Variants in PHF24 observed in about 807,000 individuals in gnomAD.
PHF24 encodes Galpha inhibitory interacting protein.
A neutral mutation model predicts 42.6 loss-of-function variants in PHF24; 25 were observed. The observed-to-expected ratio is 0.59, with a 90% CI of 0.43 to 0.82. The LOEUF (loss-of-function observed/expected upper bound fraction) is 0.82. Ranked by LOEUF, PHF24 falls within the 40% of genes least tolerant of loss-of-function variation. PHF24 has a pLI of 0.00. For synonymous variants in PHF24, 185 were observed against 204.8 expected, an observed-to-expected ratio of 0.90 and a Z score of 0.83; for missense variants, 470 against 538.1, an observed-to-expected ratio of 0.87 and a Z score of 1.25.
chr9:34,887,989 C>T, the PHF24 span, among the ~76,000 whole-genome samples: 2 of 147,112 alleles, frequency 1.4e-5, no homozygotes, highest in Non-Finnish European at 3.0e-5. Context: ...AAACATTTTA[C>T]TGTGTTTTTT....
chr9:34,893,138 G>A, the PHF24 span: 1 of 706,404 alleles, frequency 1.4e-6, no homozygotes, highest in East Asian at 3.0e-5. Context: ...TCCTTCCTGA[G>A]GAAGCCAGCC....
chr9:34,767,900 C>A, the PHF24 span, among the ~76,000 whole-genome samples: 1 of 152,174 alleles, frequency 6.6e-6, no homozygotes, highest in Non-Finnish European at 1.5e-5. Flanking sequence ...CACTTTCATG[C>A]GGTATCACTA....
At chr9:34,839,128 G>T in the PHF24 span, among the ~76,000 whole-genome samples, 1 of 152,304 alleles carries the variant, frequency 6.6e-6, no homozygotes, top group African/African-American at 2.4e-5. Context: ...GGTGGGGAGA[G>T]ATTGTAAATG....
chr9:34,974,072 C>T (rs1253171531), intron 3 of PHF24, among the ~76,000 whole-genome samples: 4 of 152,102 alleles, frequency 2.6e-5, no homozygotes, highest in Non-Finnish European at 5.9e-5. Context: ...GTGGTGCGAT[C>T]GTAGCACTGC....
At chr9:34,821,972 C>T in the PHF24 span, among the ~76,000 whole-genome samples, 2 of 152,234 alleles carry the variant, frequency 1.3e-5, no homozygotes, top group Non-Finnish European at 2.9e-5. Context: ...AGTGGTTATG[C>T]TTCCTTAATT....
chr9:34,908,842 CT>C, the PHF24 span, among the ~76,000 whole-genome samples: 1,241 of 135,280 alleles, frequency 9.2e-3, 4 homozygotes, highest in Non-Finnish European at 0.014. Flanking sequence ...CTTTTCTTTT[CT>C]TTTTTTTTTT....
At chr9:34,673,886 G>T in the PHF24 span, among the ~76,000 whole-genome samples, 1 of 152,110 alleles carries the variant, frequency 6.6e-6, no homozygotes, top group Non-Finnish European at 1.5e-5. Context: ...CTCCCAGAGT[G>T]CTGGGATTAC....
the PHF24 span, among the ~76,000 whole-genome samples, chr9:34,789,975 T>G: frequency 6.6e-6 from 1 of 152,154 alleles, no homozygotes; most frequent in East Asian, 1.9e-4. Flanking sequence ...GCCTCCTGAA[T>G]AGCTGGGACT....
chr9:34,690,213 A>G, the PHF24 span: 2 of 1,614,122 alleles, frequency 1.2e-6, no homozygotes, highest in Non-Finnish European at 1.7e-6. Flanking sequence ...AACTCACACT[A>G]CAGCAGGCAC....
chr9:34,834,591 C>T, the PHF24 span: 1 of 1,550,750 alleles, frequency 6.4e-7, no homozygotes, highest in Admixed American at 2.0e-5. Context: ...ATGGACTTCC[C>T]TGTCTGGGAA....
At chr9:34,943,007 A>T in the PHF24 span, among the ~76,000 whole-genome samples, 1 of 152,214 alleles carries the variant, frequency 6.6e-6, no homozygotes, top group African/African-American at 2.4e-5. Context: ...AATAATAAAA[A>T]AAGAAAGAAA....
chr9:34,877,068 G>C, the PHF24 span, among the ~76,000 whole-genome samples: 1 of 152,130 alleles, frequency 6.6e-6, no homozygotes, highest in Non-Finnish European at 1.5e-5. Context: ...GATCACCTGA[G>C]GTCAGGCGTT....
At chr9:34,699,496 G>GT in the PHF24 span, among the ~76,000 whole-genome samples, 1 of 152,232 alleles carries the variant, frequency 6.6e-6, no homozygotes, top group Non-Finnish European at 1.5e-5. Context: ...TCTCACCTCT[G>GT]TAAGTGGTCC....
chr9:34,726,133 G>T, the PHF24 span: 3 of 1,406,110 alleles, frequency 2.1e-6, no homozygotes, highest in Non-Finnish European at 2.9e-6. Flanking sequence ...AGAAGGTCTG[G>T]ATGGGCTGGC....
chr9:34,847,734 G>C, the PHF24 span, among the ~76,000 whole-genome samples: 1 of 151,880 alleles, frequency 6.6e-6, no homozygotes, highest in African/African-American at 2.4e-5. Context: ...ATTGGCTGTG[G>C]GTTTGTCATA....
At chr9:34,738,590 C>T in the PHF24 span, among the ~76,000 whole-genome samples, 2 of 152,132 alleles carry the variant, frequency 1.3e-5, no homozygotes, top group Non-Finnish European at 2.9e-5. Flanking sequence ...TCATGATCCG[C>T]CTGCCTCAGC....
chr9:34,917,764 T>A, the PHF24 span: 1 of 960,262 alleles, frequency 1.0e-6, no homozygotes, highest in African/African-American at 1.6e-5. Flanking sequence ...CTAATGCCAA[T>A]CATGCCTCCC....
chr9:34,971,756 G>T, intron 2 of PHF24, 80 bp downstream of exon 2: 1 of 1,464,516 alleles, frequency 6.8e-7, no homozygotes, highest in Non-Finnish European at 9.1e-7. Context: ...TGGGTAAGGT[G>T]ATCCTCAAAA....
At chr9:34,966,260 C>A (rs1306135453) in intron 1 of PHF24, among the ~76,000 whole-genome samples, 1 of 152,220 alleles carries the variant, frequency 6.6e-6, no homozygotes, top group East Asian at 1.9e-4. Flanking sequence ...CAATTCACCA[C>A]TTGAGAATCA....
Sources: allele counts gnomAD v4.1 joint callset (sites outside exome capture counted in the v4.1 genomes callset), GRCh38; gene constraint gnomAD v4.1.1; transcripts MANE v1.5; gene names NCBI Gene and HGNC (gene_info 2026-07-23, HGNC 2026-07-21).